DAB1: variants seen among roughly 807,000 people sequenced by gnomAD.
DAB1 encodes the protein DAB adaptor protein 1.
DAB1 carries 15 observed loss-of-function variants against 64.6 expected under a neutral mutation model. That is an observed-to-expected ratio of 0.23 (90% CI 0.16 to 0.36). DAB1 has a LOEUF of 0.36. DAB1 is among the 10% of genes least tolerant of loss of function. The probability of loss-of-function intolerance (pLI) is 1.00; values close to 1 mark genes in which losing one functional copy is unlikely to be tolerated. For synonymous variants in DAB1, 235 were observed against 251.9 expected, an observed-to-expected ratio of 0.93 and a Z score of 0.64; for missense variants, 596 against 706.7, an observed-to-expected ratio of 0.84 and a Z score of 1.78.
chr1:57,065,369 A>G (rs1009478032), intron 8 of DAB1, among the ~76,000 whole-genome samples: 3 of 152,198 alleles, frequency 2.0e-5, no homozygotes, highest in Non-Finnish European at 4.4e-5. Context: ...CATGATGGAT[A>G]TGGCCCCTGA....
chr1:57,431,148 A>C (rs1453670527), intron 7 of DAB1, among the ~76,000 whole-genome samples: 2 of 151,496 alleles, frequency 1.3e-5, no homozygotes, highest in African/African-American at 4.9e-5. Context: ...AAAAACAAAA[A>C]AAAAAAAAAG....
At chr1:57,650,246 G>GT (rs1415577926) in intron 6 of DAB1, among the ~76,000 whole-genome samples, 2 of 152,130 alleles carry the variant, frequency 1.3e-5, no homozygotes, top group Non-Finnish European at 2.9e-5. Context: ...CTAGGCTTAC[G>GT]TGATCCTCCT....
At chr1:58,136,090 A>G (rs956528377) in intron 5 of DAB1, among the ~76,000 whole-genome samples, 6 of 152,250 alleles carry the variant, frequency 3.9e-5, no homozygotes, top group African/African-American at 1.4e-4. Flanking sequence ...GGCAGCATGC[A>G]TATTTAATGT....
chr1:57,990,089 G>A (rs1646308923), intron 5 of DAB1, among the ~76,000 whole-genome samples: 1 of 152,130 alleles, frequency 6.6e-6, no homozygotes, highest in Non-Finnish European at 1.5e-5. Flanking sequence ...GACTGCAGAG[G>A]GAGGAAGGCA....
chr1:58,359,270 A>G (rs1644141277), intron 3 of DAB1, among the ~76,000 whole-genome samples: 1 of 152,222 alleles, frequency 6.6e-6, no homozygotes, highest in South Asian at 2.1e-4. Flanking sequence ...AAGACACTCG[A>G]AGATATAATG....
intron 2 of DAB1, among the ~76,000 whole-genome samples, chr1:58,518,140 C>T (rs1247320314): frequency 1.4e-5 from 2 of 145,186 alleles, no homozygotes; most frequent in East Asian, 2.1e-4. Context: ...GAGCTGAGAT[C>T]GCGCCATTGC....
chr1:57,517,540 G>A (rs1225041256), intron 7 of DAB1, among the ~76,000 whole-genome samples: 2 of 152,162 alleles, frequency 1.3e-5, no homozygotes, highest in African/African-American at 4.8e-5. Context: ...ATAGGCCAAA[G>A]TTGTTTCATT....
intron 1 of DAB1, among the ~76,000 whole-genome samples, chr1:57,301,621 G>C (rs1471876792): frequency 6.6e-6 from 1 of 152,146 alleles, no homozygotes; most frequent in East Asian, 1.9e-4. Context: ...TTCACCTGCT[G>C]ATTTACCTAA....
At chr1:58,300,510 G>A (rs962288466) in intron 4 of DAB1, among the ~76,000 whole-genome samples, 14 of 148,286 alleles carry the variant, frequency 9.4e-5, no homozygotes, top group Non-Finnish European at 1.8e-4. Flanking sequence ...TCACACTATT[G>A]CACTCCAGCC....
chr1:57,419,339 G>A (rs922321590), intron 1 of DAB1, among the ~76,000 whole-genome samples: 7 of 152,158 alleles, frequency 4.6e-5, no homozygotes, highest in Non-Finnish European at 7.4e-5. Flanking sequence ...AATTAGGACA[G>A]TTGACAAACA....
intron 3 of DAB1, among the ~76,000 whole-genome samples, chr1:58,435,642 C>T (rs1644935107): frequency 1.3e-5 from 2 of 152,124 alleles, no homozygotes; most frequent in Non-Finnish European, 1.5e-5. Context: ...TCCTGCCTAG[C>T]CCCCTTCTCA....
rs1344042364 is a variant in DAB1, at chr1:58,025,649, G to A, written n.387+124862C>T. Among the ~76,000 whole-genome samples the A allele has an allele frequency of 3.0e-3, 344 of 115,040 alleles. 1 individual carries two copies. Among genetic ancestry groups the A allele is most frequent in the African/African-American group, 0.011 (290 of 27,314 alleles). 75.5% of individuals were successfully genotyped at this position (115,040 alleles called of 152,430 possible). On this transcript the variant is annotated intron_variant and non_coding_transcript_variant, in intron 5 of 20. Transcript: ENST00000485760. The stretch of plus-strand genomic sequence containing the variant: ...TAAATATAATATTATATATATATGT[G>A]TGTATATATATATATATATATATAT...
chr1:57,157,738 A>T (rs1660370777), intron 2 of DAB1, among the ~76,000 whole-genome samples: 1 of 152,194 alleles, frequency 6.6e-6, no homozygotes, highest in African/African-American at 2.4e-5. Flanking sequence ...TAGGGCTTCA[A>T]CATATTAATA....
chr1:58,539,326 A>C, intron 1 of DAB1: 1 of 790,060 alleles, frequency 1.3e-6, no homozygotes, highest in Non-Finnish European at 2.1e-6. Flanking sequence ...ACAAAAAAAA[A>C]ACTATAAATA....
chr1:58,440,243 T>G (rs1455160982), intron 3 of DAB1, among the ~76,000 whole-genome samples: 1 of 152,216 alleles, frequency 6.6e-6, no homozygotes, highest in Non-Finnish European at 1.5e-5. Flanking sequence ...ACGCACTGCT[T>G]GGATTTGTGT....
intron 6 of DAB1, among the ~76,000 whole-genome samples, chr1:57,707,126 C>T (rs1646977241): frequency 6.6e-6 from 1 of 151,980 alleles, no homozygotes; most frequent in Non-Finnish European, 1.5e-5. Context: ...TATATTCTAT[C>T]ACTACAAAGA....
Position 57,079,617 on chromosome 1 carries a change from C to T in DAB1, c.307-7203G>A, listed in dbSNP as rs557001211. On this transcript the variant is annotated intron_variant, in intron 4 of 14. Coordinates refer to ENST00000371236, the MANE Select transcript of DAB1 (RefSeq NM_001365792.1). Reference sequence around the variant, plus strand: ...TAAAGACCAAAATACTTGCCAGGGCCTGCAGAGCCCCCTGTAGGACCTGGC... The same window carrying T: ...TAAAGACCAAAATACTTGCCAGGGCTTGCAGAGCCCCCTGTAGGACCTGGC... Among the ~76,000 whole-genome samples, 10 of 152,288 alleles carry T rather than the reference C, an allele frequency of 6.6e-5. No homozygotes were observed. In the East Asian group the frequency reaches 1.2e-3, roughly 18 times the overall value.
At chr1:57,644,887 C>T (rs1431160620) in intron 7 of DAB1, among the ~76,000 whole-genome samples, 1 of 152,088 alleles carries the variant, frequency 6.6e-6, no homozygotes, top group African/African-American at 2.4e-5. Flanking sequence ...GAGCTGAAAT[C>T]CCATGAGAAT....
At chr1:57,859,735 T>C (rs1419787083) in intron 1 of DAB1, among the ~76,000 whole-genome samples, 1 of 152,228 alleles carries the variant, frequency 6.6e-6, no homozygotes, top group Non-Finnish European at 1.5e-5. Context: ...AGATGGAATA[T>C]ATTTCCTGAA....
Sources: allele counts gnomAD v4.1 joint callset (sites outside exome capture counted in the v4.1 genomes callset), GRCh38; gene constraint gnomAD v4.1.1; transcripts MANE v1.5; gene names NCBI Gene and HGNC (gene_info 2026-07-23, HGNC 2026-07-21).